Variants in GGCX observed in about 807,000 individuals in gnomAD.
The protein encoded by GGCX is vitamin K-dependent gamma-carboxylase.
In GGCX, 63 loss-of-function variants were observed where a neutral mutation model predicts 88.5. The observed-to-expected ratio is 0.71, with a 90% confidence interval of 0.58 to 0.88. GGCX has a LOEUF of 0.88. Among genes scored for constraint, GGCX ranks in the 40% least tolerant of loss-of-function variants. The pLI is 0.00. For synonymous variants in GGCX, 368 were observed against 365.8 expected (o/e 1.01, Z -0.07); for missense variants, 805 against 932.9 (o/e 0.86, Z 1.79).
In GGCX at chr2:85,549,942, C is replaced by CT. The variant is rs761521339; in HGVS notation, c.2268dup (p.Glu757ArgfsTer13). On this transcript the variant is annotated frameshift_variant, in exon 15 of 15. Coordinates refer to ENST00000233838, the MANE Select transcript of GGCX (RefSeq NM_000821.7). LOFTEE classifies it high-confidence loss of function. ...CCAACATCTGGCCCCCTTCAGAACT[C>CT]TGAGTGGACAGGATCAGGATTTGAC... is the stretch of plus-strand genomic sequence containing the variant. 64 of 1,611,792 alleles carry CT rather than the reference C, an allele frequency of 4.0e-5. No homozygotes were observed. The highest frequency in any genetic ancestry group is 5.2e-5 in the Non-Finnish European group (61 of 1,178,170).
chr2:85,550,093 C>G lies in GGCX; in HGVS notation c.2118G>C (p.Leu706=), dbSNP rs1329951485. 6.2e-7 allele frequency: 1 copy of G among 1,613,886 alleles called. No homozygotes were observed. Among genetic ancestry groups the G allele is most frequent in the Admixed American group, 1.7e-5 (1 of 60,002 alleles). The part of the protein sequence containing the change: ...FLMTCISLRN[L]ILGRPSLEQL... ...GCTCCAGGGAAGGACGGCCTAATAT[C>G]AGATTTCGAAGTGAGATACAAGTCA... Residue 706 remains leucine (L), a synonymous_variant, in exon 15 of 15, where the codon CTG becomes CTC. Transcript: ENST00000233838.
At position 85,545,576 on chromosome 2, in the gene GGCX, A is replaced by G. The variant is rs1347554296; in HGVS notation, c.*4358T>C. ...CAATCCCTAGACCCAGTGGGTGGGC[A>G]TTTTTTAAAAGCCTAAGCAAGATTT... On this transcript the variant is annotated 3_prime_UTR_variant, in exon 15 of 15. Coordinates refer to ENST00000233838, the MANE Select transcript of GGCX (RefSeq NM_000821.7). 6.6e-6 allele frequency: 1 copy of G among 152,174 alleles called. No individual in the cohort carries two copies. Among genetic ancestry groups the G allele is most frequent in the Non-Finnish European group, 1.5e-5 (1 of 68,026 alleles). 9.4% of individuals were successfully genotyped at this position (152,174 alleles called of 1,614,324 possible). A position where few individuals can be genotyped will look rare whatever the true frequency, so the allele number is the denominator to read the frequency against.
intron 14 of GGCX, 86 bp from the exon 15 acceptor site, chr2:85,550,212 C>T (rs1386767324): frequency 4.2e-6 from 4 of 943,558 alleles, no homozygotes; most frequent in Non-Finnish European, 6.8e-6. Flanking sequence ...GCACCTGGTC[C>T]TCACTCCTCC....
rs76885579 is a variant in GGCX at position 85,552,708 on chromosome 2, T to C, written c.1288-141A>G. On this transcript the variant is annotated intron_variant, in intron 9 of 14. Transcript: ENST00000233838. ...ATGGAACTTGCCTTTGGGAATGAAT[T>C]TTTCATTGTTGGGCTAGTGGTGCTT... The C allele has an allele frequency of 5.2e-4, 524 of 1,015,784 alleles. 1 individual carries two copies. In the African/African-American group the frequency reaches 6.9e-3, roughly 13 times the overall value. 62.9% of individuals were successfully genotyped at this position (1,015,784 alleles called of 1,614,324 possible).
rs1691590044 is a variant in GGCX, at chr2:85,545,058, TTAACAGAAGGGAGGGCAGAGCTGGTGC to T, written c.*4849_*4875del. Reference sequence around the variant, plus strand: ...AGACCTACAGGGGGTCTGGCTGGTGTTAACAGAAGGGAGGGCAGAGCTGGTGCGGCTGGCCATGGAGAAAGCTGACTT... The same window carrying T: ...AGACCTACAGGGGGTCTGGCTGGTGTGGCTGGCCATGGAGAAAGCTGACTT... On this transcript the variant is annotated 3_prime_UTR_variant, in exon 15 of 15. Coordinates refer to ENST00000233838, the MANE Select transcript of GGCX (RefSeq NM_000821.7). The T allele has an allele frequency of 6.6e-6, 1 of 152,434 alleles. No individual in the cohort carries two copies. The highest frequency in any genetic ancestry group is 1.5e-5 in the Non-Finnish European group (1 of 68,052). The allele number at this position is 152,434 out of a possible 1,614,324, so 9.4% of individuals were successfully genotyped here.
At chr2:85,552,093 G>C in intron 10 of GGCX, 112 bp from the exon 11 acceptor site, 1 of 842,542 alleles carries the variant, frequency 1.2e-6, no homozygotes, top group Non-Finnish European at 2.0e-6. Context: ...AGAAGAAATG[G>C]CCTGTGTCAG....
At chr2:85,560,185 A>G (rs1224348579) in intron 2 of GGCX, among the ~76,000 whole-genome samples, 1 of 152,192 alleles carries the variant, frequency 6.6e-6, no homozygotes, top group East Asian at 1.9e-4. Flanking sequence ...AGGGAGTCAC[A>G]GCCAAAAGGT....
rs1691596118 is a variant in GGCX, at chr2:85,545,166, GCC to G, written c.*4766_*4767del. On this transcript the variant is annotated 3_prime_UTR_variant, in exon 15 of 15. Coordinates refer to ENST00000233838, the MANE Select transcript of GGCX (RefSeq NM_000821.7). ...TTACATGCTTATTCCATGACTGCTT[GCC>G]CTAAGCAGAAAGTGCCTTTCAGGAT... 1 of 152,592 alleles carries G rather than the reference GCC, an allele frequency of 6.6e-6. No individual in the cohort carries two copies. The highest frequency in any genetic ancestry group is 1.5e-5 in the Non-Finnish European group (1 of 68,034). The allele number at this position is 152,592 out of a possible 1,614,324, so 9.5% of individuals were successfully genotyped here. A position where few individuals can be genotyped will look rare whatever the true frequency, so the allele number is the denominator to read the frequency against.
Position 85,558,520 on chromosome 2 carries a change from G to GTCC in GGCX, c.456_458dup (p.Leu152_Asp153insGlu). ...AGGAGTGGTTGTTCCATGATGTCTT[G>GTCC]TCCAGGAGAAACACATACCAGTATG... is the stretch of plus-strand genomic sequence containing the variant. On this transcript the variant is annotated inframe_insertion, in exon 4 of 15. Coordinates refer to ENST00000233838, the MANE Select transcript of GGCX (RefSeq NM_000821.7). 6.2e-7 allele frequency: 1 copy of GTCC among 1,613,126 alleles called. No individual in the cohort carries two copies. The highest frequency in any genetic ancestry group is 8.5e-7 in the Non-Finnish European group (1 of 1,179,128).
chr2:85,558,346 A>G lies in GGCX; in HGVS notation c.539+94T>C, dbSNP rs2103983999. 3.7e-6 allele frequency: 4 copies of G among 1,089,694 alleles called. No homozygotes were observed. The South Asian group carries it at 5.0e-5, about 14-fold the overall frequency. 67.5% of individuals were successfully genotyped at this position (1,089,694 alleles called of 1,614,324 possible). A position where few individuals can be genotyped will look rare whatever the true frequency, so the allele number is the denominator to read the frequency against. On this transcript the variant is annotated intron_variant, in intron 4 of 14. Coordinates refer to ENST00000233838, the MANE Select transcript of GGCX (RefSeq NM_000821.7). ...GACCTTGTAACCATACTTTGCAAAC[A>G]TGACTGAAAAATTCCAGAACCTCAC...
chr2:85,552,044 C>G (rs1026329414), intron 10 of GGCX, 63 bp from the exon 11 acceptor site: 1 of 1,220,162 alleles, frequency 8.2e-7, no homozygotes, highest in Non-Finnish European at 1.2e-6. Context: ...ACTTCCAGTT[C>G]TCTCCCTTTC....
At chr2:85,557,088 A>G (rs1236832180) in intron 4 of GGCX, among the ~76,000 whole-genome samples, 1 of 152,152 alleles carries the variant, frequency 6.6e-6, no homozygotes, top group African/African-American at 2.4e-5. Flanking sequence ...CTATGACTGC[A>G]CCACTGCATT....
chr2:85,555,678 C>A (rs1670220507), intron 5 of GGCX, 88 bp from the exon 6 acceptor site: 1 of 771,516 alleles, frequency 1.3e-6, no homozygotes, highest in Non-Finnish European at 2.3e-6. Flanking sequence ...ATAGTTAGGA[C>A]AACTTGAATC....
At chr2:85,552,652 C>T in intron 9 of GGCX, 85 bp from the exon 10 acceptor site, 1 of 1,314,920 alleles carries the variant, frequency 7.6e-7, no homozygotes, top group South Asian at 1.2e-5. Flanking sequence ...CAACGAGATC[C>T]CTGCCTGCTG....
At position 85,553,280 on chromosome 2, in the gene GGCX, G is replaced by C. The variant is rs145056129; in HGVS notation, c.1107C>G (p.Leu369=). The C allele has an allele frequency of 1.9e-6, 3 of 1,614,150 alleles. No individual in the cohort carries two copies. The highest frequency in any genetic ancestry group is 1.1e-5 in the South Asian group (1 of 91,094). Residue 369 remains leucine, a synonymous_variant, in exon 8 of 15, where the codon CTC becomes CTG. Transcript: ENST00000233838. ...GCAGGAATAGCTGCTCCAGGAGGTA[G>C]AGCAGGGTGAAGGCAGCTCCCAGCT... The part of the protein sequence containing the change: ...RHQLGAAFTL[L]YLLEQLFLPY...
intron 12 of GGCX, 104 bp from the exon 13 acceptor site, chr2:85,551,176 T>A (rs892786783): frequency 1.5e-4 from 180 of 1,193,506 alleles, no homozygotes; most frequent in Admixed American, 3.9e-4. Context: ...AATTGTGTTT[T>A]GGAATCGAAA....
intron 2 of GGCX, 70 bp downstream of exon 2, chr2:85,560,745 G>T: frequency 7.9e-7 from 1 of 1,260,978 alleles, no homozygotes. Context: ...AAGTCTACTT[G>T]CAACCAAAAA....
chr2:85,550,986 A>G lies in GGCX; in HGVS notation c.1827T>C (p.Leu609=). ...YMYVYVNTTE[L]ALEQDLAYLQ... ...GATATGCCAGGTCTTGCTCCAGTGC[A>G]AGCTCTGTAGTGTTGACATAGACGT... The change falls in exon 13 of 15, where the codon CTT becomes CTC. Residue 609 remains leucine, a synonymous_variant. Coordinates refer to ENST00000233838, the MANE Select transcript of GGCX (RefSeq NM_000821.7). 1 of 1,613,994 alleles carries G rather than the reference A, an allele frequency of 6.2e-7. No homozygotes were observed. Among genetic ancestry groups the G allele is most frequent in the East Asian group, 2.2e-5 (1 of 44,892 alleles).
intron 12 of GGCX, 25 bp downstream of exon 12, chr2:85,551,452 TCTG>T (rs1691948246): frequency 5.6e-6 from 9 of 1,612,366 alleles, no homozygotes; most frequent in Non-Finnish European, 7.6e-6. Flanking sequence ...CTCAGTTCTT[TCTG>T]CTGTTGTTAA....
Sources: gnomAD v4.1 joint callset for allele counts (sites outside exome capture counted in the v4.1 genomes callset) on GRCh38, gnomAD v4.1.1 for gene constraint, MANE v1.5 for transcripts, NCBI Gene and HGNC (gene_info 2026-07-23, HGNC 2026-07-21) for gene names.